The following NOL6 variants were observed in gnomAD, a reference collection of about 807,000 sequenced individuals.
NOL6 encodes nucleolar protein 6, also known as nucleolar RNA-associated protein.
NOL6 carries 33 observed loss-of-function variants against 131.7 expected under a neutral mutation model. The ratio of observed to expected loss-of-function variants is 0.25; its 90% CI spans 0.19 to 0.33. The LOEUF is 0.33. NOL6 is among the 10% of genes least tolerant of loss of function. The probability of loss-of-function intolerance (pLI) is 1.00; values close to 1 mark genes in which losing one functional copy is unlikely to be tolerated. For missense variants in NOL6, 1,297 were observed against 1,494.5 expected, an observed-to-expected ratio of 0.87 and a Z score of 2.18; for synonymous variants, 580 against 605.7, an observed-to-expected ratio of 0.96 and a Z score of 0.62.
Position 33,472,273 on chromosome 9 carries a change from G to T in NOL6, c.194C>A (p.Thr65Asn). The change falls in exon 2 of 26, where the codon ACC becomes AAC. Residue 65 changes from threonine (T) to asparagine (N), a missense_variant. Transcript: ENST00000297990. ...LSRAELYKEP[T>N]NEELNRLRET... ...CCGAAGGCGATTAAGCTCCTCATTG[G>T]TAGGCTCCTTGTACAGTTCTGCCCT... 1 of 1,614,220 alleles carries T rather than the reference G, an allele frequency of 6.2e-7. No individual in the cohort carries two copies. The highest frequency in any genetic ancestry group is 8.5e-7 in the Non-Finnish European group (1 of 1,180,046).
intron 23 of NOL6, 106 bp downstream of exon 23, chr9:33,463,725 G>C: frequency 8.1e-7 from 1 of 1,235,222 alleles, no homozygotes; most frequent in Non-Finnish European, 1.1e-6. Flanking sequence ...CCTCTGTTCA[G>C]TCTCACCAAA....
chr9:33,466,733 A>G, intron 15 of NOL6, 24 bp from the exon 16 acceptor site: 1 of 1,612,432 alleles, frequency 6.2e-7, no homozygotes, highest in South Asian at 1.1e-5. Flanking sequence ...GACGGTCAGG[A>G]GGCTGGACCC....
chr9:33,472,956 G>A (rs1375938418), intron 1 of NOL6, among the ~76,000 whole-genome samples: 1 of 135,690 alleles, frequency 7.4e-6, no homozygotes. Context: ...CTGGGCAACA[G>A]AGCAAGACTG....
Position 33,462,079 on chromosome 9 carries a change from AC to A in NOL6, c.*584del, listed in dbSNP as rs1827108162. The A allele has an allele frequency of 1.4e-6, 1 of 712,752 alleles. No individual in the cohort carries two copies. Among genetic ancestry groups the A allele is most frequent in the African/African-American group, 1.8e-5 (1 of 57,136 alleles). 44.2% of individuals were successfully genotyped at this position (712,752 alleles called of 1,614,324 possible). ...TCCTCGGTTCTTTTCCACTGTCTCC[AC>A]CCTGGGAAGTGGCATCAACACAGGA... is the stretch of plus-strand genomic sequence containing the variant. On this transcript the variant is annotated 3_prime_UTR_variant, in exon 26 of 26. Transcript: ENST00000297990.
chr9:33,467,548 T>A lies in NOL6; in HGVS notation c.1603-32A>T, dbSNP rs370072955. ...GATTTCAAAAGGCTGAGCTCAGTCC[T>A]CCAATCCTCCAGCCTGGCCTAGAAA... On this transcript the variant is annotated intron_variant, in intron 12 of 25. Coordinates refer to ENST00000297990, the MANE Select transcript of NOL6 (RefSeq NM_022917.5). This position sits in a 1 kb window ranked among gnomAD's most constrained non-coding sequence, Gnocchi z 4.4. 99 of 1,611,276 alleles carry A rather than the reference T, an allele frequency of 6.1e-5. No individual in the cohort carries two copies. Among genetic ancestry groups the A allele is most frequent in the Non-Finnish European group, 7.6e-5 (90 of 1,178,016 alleles).
intron 18 of NOL6, 66 bp from the exon 19 acceptor site, chr9:33,465,963 C>T (rs1317711142): frequency 6.3e-6 from 10 of 1,583,188 alleles, no homozygotes; most frequent in Non-Finnish European, 8.6e-6. Context: ...ACTCTGTGGC[C>T]TACAGCCCTA....
At position 33,463,931 on chromosome 9, in the gene NOL6, C is replaced by T; in HGVS notation, c.2905-11G>A. On this transcript the variant is annotated splice_polypyrimidine_tract_variant and intron_variant, in intron 22 of 25. Transcript: ENST00000297990. Reference sequence around the variant, plus strand: ...AAGCTGCTGCAGGATCTGCGGGGTACAGACACATCAGACTGGAACTGAAGT... The same window carrying T: ...AAGCTGCTGCAGGATCTGCGGGGTATAGACACATCAGACTGGAACTGAAGT... 1 of 1,614,128 alleles carries T rather than the reference C, an allele frequency of 6.2e-7. No homozygotes were observed. The highest frequency in any genetic ancestry group is 8.5e-7 in the Non-Finnish European group (1 of 1,180,002).
Position 33,462,658 on chromosome 9 carries a change from C to T in NOL6, c.*6G>A, listed in dbSNP as rs1827128907. The T allele has an allele frequency of 2.5e-6, 4 of 1,613,818 alleles. No individual in the cohort carries two copies. Among genetic ancestry groups the T allele is most frequent in the Non-Finnish European group, 3.4e-6 (4 of 1,179,906 alleles). On this transcript the variant is annotated 3_prime_UTR_variant, in exon 26 of 26. Transcript: ENST00000297990. ...TGTCCGTCTACAGCTTGCTCCAGAGCTGGGATCACACAGTCCACCTCTCAC... is the reference window on the plus strand; with the variant it reads ...TGTCCGTCTACAGCTTGCTCCAGAGTTGGGATCACACAGTCCACCTCTCAC...
At chr9:33,464,201 C>A in intron 21 of NOL6, 40 bp from the exon 22 acceptor site, 2 of 1,564,674 alleles carry the variant, frequency 1.3e-6, no homozygotes, top group South Asian at 1.2e-5. Context: ...CTGCTCCTCC[C>A]TGTAAGACAC....
At chr9:33,464,285 C>G (rs557750035) in intron 21 of NOL6, 124 bp from the exon 22 acceptor site, 3 of 1,149,010 alleles carry the variant, frequency 2.6e-6, no homozygotes, top group South Asian at 1.7e-5. Context: ...CACTCCCCCC[C>G]ACCAAGTGGC....
rs1827091866 is a variant in NOL6 at position 33,461,400 on chromosome 9, A to C, written c.*1264T>G. The C allele has an allele frequency of 6.6e-6, 1 of 152,276 alleles. No homozygotes were observed. The highest frequency in any genetic ancestry group is 6.5e-5 in the Admixed American group (1 of 15,272). The allele number at this position is 152,276 out of a possible 1,614,324, so 9.4% of individuals were successfully genotyped here. ...CCCTCAAGGAGTTTACATACAAGAA[A>C]CCAGGTTAAAATTATGTGAAAGGGG... On this transcript the variant is annotated 3_prime_UTR_variant, in exon 26 of 26. Coordinates refer to ENST00000297990, the MANE Select transcript of NOL6 (RefSeq NM_022917.5).
At position 33,473,797 on chromosome 9, in the gene NOL6, C is replaced by A; in HGVS notation, c.46G>T (p.Glu16Ter). The A allele has an allele frequency of 6.2e-7, 1 of 1,611,938 alleles. No homozygotes were observed. Among genetic ancestry groups the A allele is most frequent in the Non-Finnish European group, 8.5e-7 (1 of 1,180,016 alleles). Residue 16 changes from glutamate to a stop codon, truncating the protein, a stop_gained, in exon 1 of 26, where the codon GAG becomes TAG. Transcript: ENST00000297990. LOFTEE classifies it high-confidence loss of function. ...CCGATGGCTCAACCCACCTCTGGCTCTCCAGTCGCTCCGCGAAGCTGCTCT... is the reference window on the plus strand; with the variant it reads ...CCGATGGCTCAACCCACCTCTGGCTATCCAGTCGCTCCGCGAAGCTGCTCT... The part of the protein sequence containing the change: ...AGEQLRGATG[E>*]PEVMEPALEG...
At chr9:33,465,688 C>A (rs957720453) in intron 19 of NOL6, 46 bp downstream of exon 19, 2 of 1,581,228 alleles carry the variant, frequency 1.3e-6, no homozygotes, top group African/African-American at 1.3e-5. Context: ...AGAATGGGGG[C>A]AGGAGGGGGC....
At chr9:33,468,632 C>A in intron 8 of NOL6, 66 bp from the exon 9 acceptor site, 1 of 1,607,288 alleles carries the variant, frequency 6.2e-7, no homozygotes, top group South Asian at 1.1e-5. Flanking sequence ...ATGACACCCT[C>A]CCTCAGCCGA....
In NOL6 at chr9:33,461,367, T is replaced by C. The variant is rs894334095; in HGVS notation, c.*1297A>G. ...ACACGAAGAAGTCTATGTTCAAACA[T>C]GTTCTTGCCCTCAAGGAGTTTACAT... is the stretch of plus-strand genomic sequence containing the variant. On this transcript the variant is annotated 3_prime_UTR_variant, in exon 26 of 26. Coordinates refer to ENST00000297990, the MANE Select transcript of NOL6 (RefSeq NM_022917.5). 3 of 152,266 alleles carry C rather than the reference T, an allele frequency of 2.0e-5. No homozygotes were observed. Among genetic ancestry groups the C allele is most frequent in the Non-Finnish European group, 2.9e-5 (2 of 68,064 alleles). 9.4% of individuals were successfully genotyped at this position (152,266 alleles called of 1,614,324 possible).
rs555799443 is a variant in NOL6, at chr9:33,464,010, C to G, written c.2904+27G>C. ...CTTTTTCCTTGGGAAGAAAACCACA[C>G]ATTAGGGGGCAGGTATGGGGTTGAA... On this transcript the variant is annotated intron_variant, in intron 22 of 25. Transcript: ENST00000297990. The G allele has an allele frequency of 3.7e-6, 6 of 1,612,706 alleles. No homozygotes were observed. The African/African-American group carries it at 8.0e-5, about 21-fold the overall frequency.
intron 3 of NOL6, 133 bp from the exon 4 acceptor site, chr9:33,470,324 C>A: frequency 3.9e-6 from 3 of 774,546 alleles, no homozygotes; most frequent in Non-Finnish European, 5.6e-6. Context: ...CTATGTCTTC[C>A]TTGCTAAGAC....
rs142729494 is a variant in NOL6 at position 33,473,894 on chromosome 9, C to A, written c.-52G>T. The A allele has an allele frequency of 1.3e-4, 211 of 1,599,906 alleles. 2 individuals carry two copies. The African/African-American group carries it at 2.4e-3, about 18-fold the overall frequency. ...CTTCAGATTCTAGCCGGGTCTATACCTCATAGCTTCCCACGTGGGCGGAAA... is the reference window on the plus strand; with the variant it reads ...CTTCAGATTCTAGCCGGGTCTATACATCATAGCTTCCCACGTGGGCGGAAA... On this transcript the variant is annotated 5_prime_UTR_variant, in exon 1 of 26. In the 5' UTR this introduces an upstream ATG that the reference lacks. Coordinates refer to ENST00000297990, the MANE Select transcript of NOL6 (RefSeq NM_022917.5).
chr9:33,472,490 T>C (rs959192347), intron 1 of NOL6, 78 bp from the exon 2 acceptor site: 50 of 1,201,826 alleles, frequency 4.2e-5, no homozygotes, highest in Admixed American at 4.0e-4. Flanking sequence ...CCATGATAGG[T>C]TGTGGGTAAA....
Sources: allele counts gnomAD v4.1 joint callset (sites outside exome capture counted in the v4.1 genomes callset), GRCh38; gene constraint gnomAD v4.1.1; non-coding constraint Gnocchi (gnomAD v3.1); transcripts MANE v1.5; gene names NCBI Gene and HGNC (gene_info 2026-07-23, HGNC 2026-07-21).